Variants in MAP6 observed in about 807,000 individuals in gnomAD.
MAP6 encodes microtubule-associated protein 6.
In MAP6, 26 loss-of-function variants were observed where a neutral mutation model predicts 42.4. That is an observed-to-expected ratio of 0.61 (90% CI 0.45 to 0.85). The LOEUF (loss-of-function observed/expected upper bound fraction) is 0.85, where lower values mean the gene tolerates loss of function less well. Ranked by LOEUF, MAP6 falls within the 40% of genes least tolerant of loss-of-function variation. The pLI is 0.00. For synonymous variants in MAP6, 418 were observed against 443.8 expected, an observed-to-expected ratio of 0.94 and a Z score of 0.73; for missense variants, 966 against 1,099.0, an observed-to-expected ratio of 0.88 and a Z score of 1.71.
chr11:75,668,407 T>A lies in MAP6; in HGVS notation c.-38A>T, dbSNP rs768495644. On this transcript the variant is annotated 5_prime_UTR_variant, in exon 1 of 4. Coordinates refer to ENST00000304771, the MANE Select transcript of MAP6 (RefSeq NM_033063.2). ...AAAGCCGGCCTCCTCTTTCTTCTTG[T>A]GGTTCTAAAGCAAGTCTCTATAATC... 6.4e-7 allele frequency: 1 copy of A among 1,559,984 alleles called. No individual in the cohort carries two copies. The highest frequency in any genetic ancestry group is 1.4e-5 in the African/African-American group (1 of 71,842).
chr11:75,607,457 C>T (rs945210757), intron 2 of MAP6: 4 of 985,326 alleles, frequency 4.1e-6, no homozygotes, highest in Non-Finnish European at 4.8e-6. Flanking sequence ...CTCCTGATCA[C>T]GAACTCCTAT....
At position 75,588,041 on chromosome 11, in the gene MAP6, G is replaced by T. The variant is rs1942395463; in HGVS notation, c.1460C>A (p.Ser487Tyr). The T allele has an allele frequency of 6.2e-7, 1 of 1,613,944 alleles. No homozygotes were observed. Among genetic ancestry groups the T allele is most frequent in the African/African-American group, 1.3e-5 (1 of 74,920 alleles). The change falls in exon 4 of 4, where the codon TCT becomes TAT. Residue 487 changes from serine to tyrosine, a missense_variant. Ser to Tyr is a moderately radical substitution (Grantham distance 144). Coordinates refer to ENST00000304771, the MANE Select transcript of MAP6 (RefSeq NM_033063.2). ...ATCCTTTGGAGGCCCTGGGACCACA[G>T]AACCTTGCTTCTTCAGAGGCTCTTG... ...MVQEPLKKQG[S>Y]VVPGPPKDLG...
chr11:75,645,370 C>A (rs1226780248), intron 1 of MAP6, among the ~76,000 whole-genome samples: 1 of 152,028 alleles, frequency 6.6e-6, no homozygotes, highest in Non-Finnish European at 1.5e-5. Flanking sequence ...AGTCGGGGAA[C>A]CTGCCACTAT....
chr11:75,665,662 C>T (rs1943934711), intron 1 of MAP6, among the ~76,000 whole-genome samples: 1 of 152,208 alleles, frequency 6.6e-6, no homozygotes. Flanking sequence ...AACTAGAAAA[C>T]TACATCCTGC....
chr11:75,600,026 G>A (rs1025624494), intron 3 of MAP6, among the ~76,000 whole-genome samples: 2 of 152,188 alleles, frequency 1.3e-5, no homozygotes, highest in Non-Finnish European at 2.9e-5. Context: ...TTCAATAGCT[G>A]TAATTCTTTA....
intron 3 of MAP6, among the ~76,000 whole-genome samples, chr11:75,600,641 T>G (rs1942650137): frequency 6.6e-6 from 1 of 152,204 alleles, no homozygotes; most frequent in Non-Finnish European, 1.5e-5. Flanking sequence ...GGTGAAGCCT[T>G]GCTTTAACGC....
chr11:75,603,661 T>A, intron 3 of MAP6: 2 of 985,184 alleles, frequency 2.0e-6, no homozygotes, highest in Non-Finnish European at 2.4e-6. Context: ...AACACCAACT[T>A]GACTTGGTCA....
At chr11:75,600,250 C>G (rs759505124) in intron 3 of MAP6, among the ~76,000 whole-genome samples, 9 of 152,058 alleles carry the variant, frequency 5.9e-5, no homozygotes, top group Non-Finnish European at 1.0e-4. Context: ...ATTAGTGTCC[C>G]CATTTTCAGA....
intron 1 of MAP6, among the ~76,000 whole-genome samples, chr11:75,609,810 CCA>C (rs1565260153): frequency 6.6e-6 from 1 of 152,174 alleles, no homozygotes; most frequent in African/African-American, 2.4e-5. Flanking sequence ...GCCTGGGTCC[CCA>C]CCTAGATGCC....
At chr11:75,588,588 G>C (rs1942414403) in intron 3 of MAP6, among the ~76,000 whole-genome samples, 1 of 152,062 alleles carries the variant, frequency 6.6e-6, no homozygotes, top group Non-Finnish European at 1.5e-5. Context: ...CATCTCAGCT[G>C]CCCACCAGAT....
At chr11:75,604,800 A>G in intron 3 of MAP6, 1 of 985,498 alleles carries the variant, frequency 1.0e-6, no homozygotes, top group Non-Finnish European at 1.2e-6. Context: ...GCTAAGTCAC[A>G]GACATTCTCC....
intron 1 of MAP6, among the ~76,000 whole-genome samples, chr11:75,657,956 C>T (rs1334580159): frequency 1.3e-5 from 2 of 152,180 alleles, no homozygotes; most frequent in East Asian, 3.8e-4. Context: ...TGTAAGATAA[C>T]ATATTCACAA....
At chr11:75,641,495 G>T (rs1319207177) in intron 1 of MAP6, among the ~76,000 whole-genome samples, 1 of 147,490 alleles carries the variant, frequency 6.8e-6, no homozygotes, top group South Asian at 2.2e-4. Context: ...AAAAAAAAAA[G>T]AAATTCCAAT....
chr11:75,638,592 AAAACAATGAGATAC>A (rs1418263664), intron 1 of MAP6: 28 of 152,354 alleles, frequency 1.8e-4, no homozygotes, highest in African/African-American at 5.8e-4. Flanking sequence ...TATCTGAAAC[AAAACAATGAGATAC>A]CACCACACAC....
In MAP6 at chr11:75,668,532, G is replaced by T. The variant is rs1944006428; in HGVS notation, c.-163C>A. 1 of 1,012,530 alleles carries T rather than the reference G, an allele frequency of 9.9e-7. No individual in the cohort carries two copies. The highest frequency in any genetic ancestry group is 1.7e-5 in the African/African-American group (1 of 59,128). The allele number at this position is 1,012,530 out of a possible 1,614,324, so 62.7% of individuals were successfully genotyped here. A position where few individuals can be genotyped will look rare whatever the true frequency, so the allele number is the denominator to read the frequency against. ...CGCCCTCCTCCCTCAGCGAGCACCCGGGGAGAGCTGTCCTAGGAGAGTCTG... is the reference window on the plus strand; with the variant it reads ...CGCCCTCCTCCCTCAGCGAGCACCCTGGGAGAGCTGTCCTAGGAGAGTCTG... On this transcript the variant is annotated 5_prime_UTR_variant, in exon 1 of 4. Coordinates refer to ENST00000304771, the MANE Select transcript of MAP6 (RefSeq NM_033063.2).
At chr11:75,631,793 A>T (rs1200792151) in intron 1 of MAP6, among the ~76,000 whole-genome samples, 6 of 152,248 alleles carry the variant, frequency 3.9e-5, no homozygotes, top group African/African-American at 1.2e-4. Flanking sequence ...ATGAAAAGTG[A>T]TAATTTCTGC....
intron 1 of MAP6, among the ~76,000 whole-genome samples, chr11:75,665,462 T>C (rs891650507): frequency 3.3e-5 from 5 of 152,200 alleles, no homozygotes; most frequent in African/African-American, 1.2e-4. Flanking sequence ...TGGCATTGAC[T>C]GCATGGTGGT....
At chr11:75,649,213 C>T (rs1461772650) in intron 1 of MAP6, among the ~76,000 whole-genome samples, 3 of 152,010 alleles carry the variant, frequency 2.0e-5, no homozygotes, top group Non-Finnish European at 4.4e-5. Flanking sequence ...TTAAAAAGAA[C>T]GATCTGTATA....
intron 1 of MAP6, among the ~76,000 whole-genome samples, chr11:75,627,563 G>C (rs886971347): frequency 1.3e-5 from 2 of 152,226 alleles, no homozygotes; most frequent in Non-Finnish European, 2.9e-5. Flanking sequence ...GACCGTCACA[G>C]TGAGAAACTG....
Sources: allele counts gnomAD v4.1 joint callset (sites outside exome capture counted in the v4.1 genomes callset), GRCh38; gene constraint gnomAD v4.1.1; transcripts MANE v1.5; gene names NCBI Gene and HGNC (gene_info 2026-07-23, HGNC 2026-07-21).